The following ABHD2 variants were observed in gnomAD, a reference collection of about 807,000 sequenced individuals.
ABHD2 encodes the protein abhydrolase domain containing 2, acylglycerol lipase.
ABHD2 carries 20 observed loss-of-function variants against 48.1 expected under a neutral mutation model. That is an observed-to-expected ratio of 0.42 (90% CI 0.29 to 0.60). ABHD2 has a LOEUF of 0.60. ABHD2 is among the 20% of genes least tolerant of loss of function. The probability of loss-of-function intolerance (pLI) is 0.24; values close to 1 mark genes in which losing one functional copy is unlikely to be tolerated. For missense variants in ABHD2, 405 were observed against 550.9 expected, an observed-to-expected ratio of 0.74 and a Z score of 2.65; for synonymous variants, 209 against 214.2, an observed-to-expected ratio of 0.98 and a Z score of 0.21.
At chr15:89,107,174 A>C (rs2049799502) in intron 1 of ABHD2, among the ~76,000 whole-genome samples, 1 of 152,176 alleles carries the variant, frequency 6.6e-6, no homozygotes, top group African/African-American at 2.4e-5. Flanking sequence ...CAGGGGTTCC[A>C]GCTGTGCACT....
chr15:89,194,453 A>G (rs1023497128), intron 10 of ABHD2, among the ~76,000 whole-genome samples: 2 of 152,198 alleles, frequency 1.3e-5, no homozygotes, highest in South Asian at 4.1e-4. Flanking sequence ...TCCCAAAAAA[A>G]TAAAAAATAA....
the ABHD2 span, among the ~76,000 whole-genome samples, chr15:89,058,176 C>A: frequency 3.3e-5 from 5 of 152,194 alleles, no homozygotes; most frequent in African/African-American, 1.2e-4. Flanking sequence ...TTTTCAGCCT[C>A]CTTGGAGATC....
chr15:89,201,927 A>G lies in ABHD2; in HGVS notation c.*6504A>G. 1 of 547,960 alleles carries G rather than the reference A, an allele frequency of 1.8e-6. No homozygotes were observed. Among genetic ancestry groups the G allele is most frequent in the Non-Finnish European group, 3.2e-6 (1 of 309,900 alleles). The allele number at this position is 547,960 out of a possible 1,614,324, so 33.9% of individuals were successfully genotyped here. ...TTAGACTCTGTTCAACCACATTCTT[A>G]TGTTGGCAGATCTGCTTCCAGATTG... On this transcript the variant is annotated 3_prime_UTR_variant, in exon 11 of 11. Transcript: ENST00000352732.
intron 10 of ABHD2, among the ~76,000 whole-genome samples, chr15:89,194,892 T>G (rs150919620): frequency 1.3e-5 from 2 of 152,176 alleles, no homozygotes; most frequent in African/African-American, 2.4e-5. Context: ...GAGATTCTGA[T>G]TTAATTCATC....
rs1316448278 is a variant in ABHD2, at chr15:89,167,155, A to G, written c.539-8657A>G. ...AGGCAGTGATTTTTAAGGAACTTCT[A>G]TTTTGTTTTTACTGCTTAATATCTT... On this transcript the variant is annotated intron_variant, in intron 5 of 10. Coordinates refer to ENST00000352732, the MANE Select transcript of ABHD2 (RefSeq NM_152924.5). The surrounding 1 kb of genome is among the most constrained non-coding windows in gnomAD (Gnocchi z 5.5). 6.6e-6 allele frequency among the ~76,000 whole-genome samples: 1 copy of G among 152,112 alleles called. No individual in the cohort carries two copies. The highest frequency in any genetic ancestry group is 1.5e-5 in the Non-Finnish European group (1 of 68,008).
At chr15:89,098,528 G>C (rs1268232335) in intron 1 of ABHD2, among the ~76,000 whole-genome samples, 1 of 152,162 alleles carries the variant, frequency 6.6e-6, no homozygotes, top group South Asian at 2.1e-4. Context: ...CCAGCTCCTT[G>C]TGTGGCCTGA....
intron 3 of ABHD2, among the ~76,000 whole-genome samples, chr15:89,125,820 A>C (rs1405532626): frequency 6.6e-6 from 1 of 152,170 alleles, no homozygotes; most frequent in Non-Finnish European, 1.5e-5. Context: ...ATATTGAATC[A>C]AGATCACCAA....
In ABHD2 at chr15:89,100,589, G is replaced by T. The variant is rs758572380; in HGVS notation, c.-107+12026G>T. Among the ~76,000 whole-genome samples the T allele has an allele frequency of 2.6e-5, 4 of 152,060 alleles. No individual in the cohort carries two copies. Among genetic ancestry groups the T allele is most frequent in the Non-Finnish European group, 5.9e-5 (4 of 68,020 alleles). ...TAGATGTTAAAAAGGAACCTTATTG[G>T]CCAGGCAAAGTGGCTCACGCCTGTA... On this transcript the variant is annotated intron_variant, in intron 1 of 10. Transcript: ENST00000352732. This position sits in a 1 kb window ranked among gnomAD's most constrained non-coding sequence, Gnocchi z 4.4.
At chr15:89,169,979 T>TA (rs1223046015) in intron 5 of ABHD2, among the ~76,000 whole-genome samples, 1 of 148,200 alleles carries the variant, frequency 6.7e-6, no homozygotes, top group Non-Finnish European at 1.5e-5. Context: ...TGTAATCCCT[T>TA]AAAACCCAAG....
chr15:89,185,505 C>A lies in ABHD2; in HGVS notation c.804C>A (p.Ile268=), dbSNP rs749149742. 2 of 1,614,008 alleles carry A rather than the reference C, an allele frequency of 1.2e-6. No individual in the cohort carries two copies. The highest frequency in any genetic ancestry group is 8.5e-7 in the Non-Finnish European group (1 of 1,179,910). ...FLMADNMKKI[I]LSHRQALFGD... is the part of the protein sequence containing the mutation. ...TGGCTGACAACATGAAGAAGATCATCCTCTCGCACAGGTAGGTCACCTTCC... is the reference window on the plus strand; with the variant it reads ...TGGCTGACAACATGAAGAAGATCATACTCTCGCACAGGTAGGTCACCTTCC... Residue 268 remains isoleucine, a synonymous_variant, in exon 7 of 11, where the codon ATC becomes ATA. Coordinates refer to ENST00000352732, the MANE Select transcript of ABHD2 (RefSeq NM_152924.5). This position sits in a 1 kb window ranked among gnomAD's most constrained non-coding sequence, Gnocchi z 5.9.
intron 5 of ABHD2, among the ~76,000 whole-genome samples, chr15:89,163,576 T>G (rs1327753050): frequency 5.3e-5 from 8 of 152,260 alleles, no homozygotes; most frequent in Non-Finnish European, 8.8e-5. Context: ...AGAACCAGCC[T>G]TCAATCAATG....
intron 3 of ABHD2, among the ~76,000 whole-genome samples, chr15:89,142,056 A>G (rs16942756): frequency 0.071 from 10,842 of 152,276 alleles, 1,329 homozygotes; most frequent in African/African-American, 0.25. Flanking sequence ...TGTCCTTATC[A>G]TGTTTGTTTT....
In ABHD2 at chr15:89,093,173, CTTTTTTTTTTTTTT is replaced by C. The variant is rs71149272; in HGVS notation, c.-107+4621_-107+4634del. Among the ~76,000 whole-genome samples, 266 of 71,802 alleles carry C rather than the reference CTTTTTTTTTTTTTT, an allele frequency of 3.7e-3. 1 individual carries two copies. The highest frequency in any genetic ancestry group is 5.7e-3 in the Non-Finnish European group (207 of 36,268). 47.1% of individuals were successfully genotyped at this position (71,802 alleles called of 152,430 possible). Reference sequence around the variant, plus strand: ...CACATTTCCAGCATCTTTTTTCATTCTTTTTTTTTTTTTTTTTTTTTTTTGAGACAGAGTCTCAC... The same window carrying C: ...CACATTTCCAGCATCTTTTTTCATTCTTTTTTTTTTGAGACAGAGTCTCAC... On this transcript the variant is annotated intron_variant, in intron 1 of 10. Coordinates refer to ENST00000352732, the MANE Select transcript of ABHD2 (RefSeq NM_152924.5).
chr15:89,108,491 A>C (rs1322713408), intron 1 of ABHD2, among the ~76,000 whole-genome samples: 3 of 152,222 alleles, frequency 2.0e-5, no homozygotes, highest in African/African-American at 7.2e-5. Flanking sequence ...CAAAGACCCA[A>C]TTCCAAATAC....
chr15:89,074,656 C>A, the ABHD2 span, among the ~76,000 whole-genome samples: 3 of 152,150 alleles, frequency 2.0e-5, no homozygotes, highest in Non-Finnish European at 4.4e-5. Context: ...CACTTTCTAG[C>A]CTTCCCTTCC....
intron 5 of ABHD2, among the ~76,000 whole-genome samples, chr15:89,161,465 A>G (rs1179549375): frequency 2.0e-5 from 3 of 152,086 alleles, no homozygotes; most frequent in African/African-American, 7.2e-5. Flanking sequence ...CAATGGTGCA[A>G]TCTCAGCTCA....
At chr15:89,063,464 T>G in the ABHD2 span, among the ~76,000 whole-genome samples, 1 of 151,966 alleles carries the variant, frequency 6.6e-6, no homozygotes, top group South Asian at 2.1e-4. Flanking sequence ...TTAATATAAG[T>G]CCTGCCAGAC....
At position 89,166,841 on chromosome 15, in the gene ABHD2, C is replaced by A. The variant is rs1049062491; in HGVS notation, c.539-8971C>A. ...CATATATACAAACAATCTTTTGGAA[C>A]CTCAAGGTAAGGTCAGAAAACTTGG... On this transcript the variant is annotated intron_variant, in intron 5 of 10. Coordinates refer to ENST00000352732, the MANE Select transcript of ABHD2 (RefSeq NM_152924.5). This position sits in a 1 kb window ranked among gnomAD's most constrained non-coding sequence, Gnocchi z 4.6. 6.6e-6 allele frequency among the ~76,000 whole-genome samples: 1 copy of A among 152,090 alleles called. No homozygotes were observed. The highest frequency in any genetic ancestry group is 1.5e-5 in the Non-Finnish European group (1 of 68,016).
At chr15:89,193,819 G>T (rs1350392638) in intron 10 of ABHD2, among the ~76,000 whole-genome samples, 10 of 151,936 alleles carry the variant, frequency 6.6e-5, no homozygotes, top group Admixed American at 5.9e-4. Context: ...GCATGGGGAG[G>T]CTGAGGCAGG....
Sources: allele counts gnomAD v4.1 joint callset (sites outside exome capture counted in the v4.1 genomes callset), GRCh38; gene constraint gnomAD v4.1.1; non-coding constraint Gnocchi (gnomAD v3.1); transcripts MANE v1.5; gene names NCBI Gene and HGNC (gene_info 2026-07-23, HGNC 2026-07-21).